Variants in SCCPDH observed in about 807,000 individuals in gnomAD.
SCCPDH encodes saccharopine dehydrogenase (putative), also known as saccharopine dehydrogenase-like oxidoreductase.
Under a neutral mutation model 51.5 loss-of-function variants are expected in SCCPDH, and 34 were observed. The observed-to-expected ratio is 0.66, with a 90% CI of 0.50 to 0.88. The LOEUF is 0.88. SCCPDH is among the 40% of genes least tolerant of loss of function. The pLI, the probability that SCCPDH is intolerant of heterozygous loss-of-function variation, is 0.00. For missense variants in SCCPDH, 464 were observed against 527.1 expected, an observed-to-expected ratio of 0.88 and a Z score of 1.17; for synonymous variants, 187 against 191.3, an observed-to-expected ratio of 0.98 and a Z score of 0.19.
chr1:246,766,188 A>G (rs1669085585), intron 11 of SCCPDH, 49 bp downstream of exon 11: 18 of 1,249,850 alleles, frequency 1.4e-5, no homozygotes, highest in Non-Finnish European at 1.8e-5. Flanking sequence ...TCTATGTTAT[A>G]TTTTAGCTTA....
chr1:246,726,037 TTAG>T (rs750951070), intron 1 of SCCPDH, among the ~76,000 whole-genome samples: 3 of 151,946 alleles, frequency 2.0e-5, no homozygotes, highest in Non-Finnish European at 2.9e-5. Context: ...GCTAATTTTT[TTAG>T]TAGAGACGGG....
intron 5 of SCCPDH, among the ~76,000 whole-genome samples, chr1:246,753,882 A>G (rs980694222): frequency 1.3e-5 from 2 of 151,798 alleles, no homozygotes; most frequent in African/African-American, 4.8e-5. Context: ...GACAATGGGG[A>G]TAGGAGAAGG....
At chr1:246,730,228 T>G (rs563015534) in intron 2 of SCCPDH, among the ~76,000 whole-genome samples, 1 of 152,280 alleles carries the variant, frequency 6.6e-6, no homozygotes, top group South Asian at 2.1e-4. Context: ...TCTGCTAAAG[T>G]CCCACCCTGT....
intron 2 of SCCPDH, among the ~76,000 whole-genome samples, chr1:246,732,260 A>G (rs1050909902): frequency 3.9e-5 from 6 of 152,198 alleles, no homozygotes; most frequent in African/African-American, 1.4e-4. Flanking sequence ...AGTAAATTAG[A>G]TGAGTGTTGA....
chr1:246,750,245 G>C (rs1475972970), intron 5 of SCCPDH, among the ~76,000 whole-genome samples: 1 of 150,808 alleles, frequency 6.6e-6, no homozygotes, highest in Admixed American at 6.6e-5. Flanking sequence ...ACTCTAGCGG[G>C]GGGGTACCTG....
In SCCPDH at chr1:246,724,661, C is replaced by T; in HGVS notation, c.190+49C>T. Reference sequence around the variant, plus strand: ...GCTGCGCGGGCGGCTGGGCCGGGGACCCCGCATCGCCCCAAACGAGCGTTT... The same window carrying T: ...GCTGCGCGGGCGGCTGGGCCGGGGATCCCGCATCGCCCCAAACGAGCGTTT... On this transcript the variant is annotated intron_variant, in intron 1 of 11. Transcript: ENST00000366510. The T allele has an allele frequency of 2.9e-6, 4 of 1,391,022 alleles. No individual in the cohort carries two copies. The South Asian group carries it at 6.1e-5, about 21-fold the overall frequency. The allele number at this position is 1,391,022 out of a possible 1,614,324, so 86.2% of individuals were successfully genotyped here. A position where few individuals can be genotyped will look rare whatever the true frequency, so the allele number is the denominator to read the frequency against.
chr1:246,762,205 A>T (rs1326392997), intron 9 of SCCPDH, among the ~76,000 whole-genome samples: 1 of 152,206 alleles, frequency 6.6e-6, no homozygotes, highest in Non-Finnish European at 1.5e-5. Context: ...CATATATTTG[A>T]CAGAAGATTC....
intron 9 of SCCPDH, among the ~76,000 whole-genome samples, chr1:246,760,589 C>T (rs1431296251): frequency 1.3e-5 from 2 of 152,152 alleles, no homozygotes; most frequent in Non-Finnish European, 2.9e-5. Context: ...TCCTTTGTGC[C>T]TCCTCTGCCC....
intron 5 of SCCPDH, among the ~76,000 whole-genome samples, chr1:246,745,847 G>A (rs1017166044): frequency 9.9e-5 from 15 of 151,982 alleles, no homozygotes; most frequent in African/African-American, 3.1e-4. Context: ...GGTGGCTCAC[G>A]CCTGTAATCC....
chr1:246,745,981 A>G (rs989813867), intron 5 of SCCPDH, among the ~76,000 whole-genome samples: 9 of 151,986 alleles, frequency 5.9e-5, no homozygotes, highest in African/African-American at 9.7e-5. Flanking sequence ...GGTGGCAGGC[A>G]CCTGTAGTCC....
At chr1:246,745,197 T>C (rs963502203) in intron 5 of SCCPDH, among the ~76,000 whole-genome samples, 1 of 152,224 alleles carries the variant, frequency 6.6e-6, no homozygotes, top group African/African-American at 2.4e-5. Flanking sequence ...CGTAAGACAT[T>C]GACGTTGGGA....
At chr1:246,764,212 T>C in intron 9 of SCCPDH, 34 bp from the exon 10 acceptor site, 2 of 1,335,398 alleles carry the variant, frequency 1.5e-6, no homozygotes, top group South Asian at 1.2e-5. Flanking sequence ...AATGACGTAT[T>C]TATGAAATGC....
intron 2 of SCCPDH, among the ~76,000 whole-genome samples, chr1:246,732,757 A>C (rs1668511306): frequency 6.6e-6 from 1 of 152,218 alleles, no homozygotes; most frequent in Non-Finnish European, 1.5e-5. Context: ...AAGCCATCTG[A>C]GTACCATGTG....
At chr1:246,742,247 G>T (rs1213159373) in intron 4 of SCCPDH, among the ~76,000 whole-genome samples, 1 of 152,162 alleles carries the variant, frequency 6.6e-6, no homozygotes, top group Non-Finnish European at 1.5e-5. Context: ...TTAAAATAAT[G>T]CTTTAACGTC....
intron 2 of SCCPDH, among the ~76,000 whole-genome samples, chr1:246,735,460 A>G (rs1450960782): frequency 6.6e-6 from 1 of 152,202 alleles, no homozygotes; most frequent in Admixed American, 6.5e-5. Context: ...GTAAGCATAC[A>G]TTGCTCTGTA....
At chr1:246,737,593 C>A (rs1008766965) in intron 3 of SCCPDH, among the ~76,000 whole-genome samples, 1 of 150,710 alleles carries the variant, frequency 6.6e-6, no homozygotes, top group African/African-American at 2.5e-5. Flanking sequence ...TAGTATCGAA[C>A]CCCCCCCTTT....
At position 246,746,089 on chromosome 1, in the gene SCCPDH, C is replaced by A. The variant is rs546193963; in HGVS notation, c.564+1964C>A. Reference sequence around the variant, plus strand: ...CACCGCTGCACTCCAGCCTGGGCGACAGAGCGAGACTCCATCTCAAAAAAA... The same window carrying A: ...CACCGCTGCACTCCAGCCTGGGCGAAAGAGCGAGACTCCATCTCAAAAAAA... On this transcript the variant is annotated intron_variant, in intron 5 of 11. Coordinates refer to ENST00000366510, the MANE Select transcript of SCCPDH (RefSeq NM_016002.3). Among the ~76,000 whole-genome samples, 53 of 116,558 alleles carry A rather than the reference C, an allele frequency of 4.5e-4. 1 individual carries two copies. Among genetic ancestry groups the A allele is most frequent in the Non-Finnish European group, 7.2e-4 (45 of 62,222 alleles). 76.5% of individuals were successfully genotyped at this position (116,558 alleles called of 152,430 possible). A position where few individuals can be genotyped will look rare whatever the true frequency, so the allele number is the denominator to read the frequency against.
chr1:246,726,640 A>G (rs1049227473), intron 1 of SCCPDH, among the ~76,000 whole-genome samples: 1 of 152,142 alleles, frequency 6.6e-6, no homozygotes, highest in African/African-American at 2.4e-5. Flanking sequence ...TATTTACACA[A>G]CGCTTTGATT....
At position 246,766,082 on chromosome 1, in the gene SCCPDH, T is replaced by G; in HGVS notation, c.1127T>G (p.Ile376Arg). 5 of 1,613,408 alleles carry G rather than the reference T, an allele frequency of 3.1e-6. No individual in the cohort carries two copies. The highest frequency in any genetic ancestry group is 4.2e-6 in the Non-Finnish European group (5 of 1,179,616). ...GPEAGYVATP[I>R]AMVQAAMTLL... ...GAGGCTGGCTATGTGGCTACCCCCATAGCTATGGTTCAGGCAGCCATGACT... is the reference window on the plus strand; with the variant it reads ...GAGGCTGGCTATGTGGCTACCCCCAGAGCTATGGTTCAGGCAGCCATGACT... Residue 376 changes from isoleucine (I) to arginine (R), a missense_variant, in exon 11 of 12, where the codon ATA (isoleucine) becomes AGA (arginine). Transcript: ENST00000366510.
Sources: gnomAD v4.1 joint callset for allele counts (sites outside exome capture counted in the v4.1 genomes callset) on GRCh38, gnomAD v4.1.1 for gene constraint, MANE v1.5 for transcripts, NCBI Gene and HGNC (gene_info 2026-07-23, HGNC 2026-07-21) for gene names.